Variants in CDK14 observed in about 807,000 individuals in gnomAD.
The protein encoded by CDK14 is cyclin dependent kinase 14.
In CDK14, 34 loss-of-function variants were observed where a neutral mutation model predicts 60.7. The ratio of observed to expected loss-of-function variants is 0.56; its 90% CI spans 0.43 to 0.75. The LOEUF (loss-of-function observed/expected upper bound fraction) is 0.75, where lower values mean the gene tolerates loss of function less well. Among genes scored for constraint, CDK14 ranks in the 30% least tolerant of loss-of-function variants. The probability of loss-of-function intolerance (pLI) is 0.00; values close to 1 mark genes in which losing one functional copy is unlikely to be tolerated. For synonymous variants in CDK14, 197 were observed against 203.7 expected, an observed-to-expected ratio of 0.97 and a Z score of 0.28; for missense variants, 482 against 564.1, an observed-to-expected ratio of 0.85 and a Z score of 1.47.
At chr7:90,598,993 C>T (rs1799258600) in intron 1 of CDK14, among the ~76,000 whole-genome samples, 1 of 152,128 alleles carries the variant, frequency 6.6e-6, no homozygotes, top group Non-Finnish European at 1.5e-5. Context: ...CGAGAGCCAC[C>T]GCGCCCGGCC....
intron 2 of CDK14, among the ~76,000 whole-genome samples, chr7:90,611,908 C>A (rs2116342784): frequency 6.7e-6 from 1 of 150,154 alleles, no homozygotes; most frequent in Middle Eastern, 3.4e-3. Context: ...TCTCGGCTCA[C>A]TGCAACCTCC....
In CDK14 at chr7:91,005,143, C is replaced by T. The variant is rs10254319; in HGVS notation, c.1041+20902C>T. 1.1e-3 allele frequency among the ~76,000 whole-genome samples: 164 copies of T among 152,368 alleles called. 2 individuals are homozygous for T. The highest frequency in any genetic ancestry group is 3.6e-3 in the African/African-American group (150 of 41,590). ...GCATTAGCTCACTGGTGGCTTCCCT[C>T]TGGGTGCCAGTGGGCCCAGGTTGGT... On this transcript the variant is annotated intron_variant, in intron 10 of 14. Coordinates refer to ENST00000380050, the MANE Select transcript of CDK14 (RefSeq NM_001287135.2).
rs952331515 is a variant in CDK14, at chr7:90,661,422, C to T, written c.123+57173C>T. 3.9e-5 allele frequency among the ~76,000 whole-genome samples: 6 copies of T among 152,146 alleles called. No homozygotes were observed. The East Asian group carries it at 5.8e-4, about 15-fold the overall frequency. On this transcript the variant is annotated intron_variant, in intron 2 of 14. Transcript: ENST00000380050. ...TAGCCACACATGGAGGTCCTTGTGC[C>T]GAATTGTTTGTTAGTTATGTTCATA... is the stretch of plus-strand genomic sequence containing the variant.
intron 4 of CDK14, among the ~76,000 whole-genome samples, chr7:90,781,362 G>A (rs1410023084): frequency 2.6e-5 from 4 of 151,928 alleles, no homozygotes; most frequent in African/African-American, 7.3e-5. Flanking sequence ...CCCATTTTAT[G>A]GGTTGCCTGT....
chr7:90,618,560 G>C (rs1167903862), intron 2 of CDK14, among the ~76,000 whole-genome samples: 1 of 152,040 alleles, frequency 6.6e-6, no homozygotes, highest in Admixed American at 6.6e-5. Context: ...TGCCATCTTT[G>C]TACCAGACAT....
intron 8 of CDK14, among the ~76,000 whole-genome samples, chr7:90,936,917 AT>A (rs371837440): frequency 0.023 from 3,483 of 150,398 alleles, 116 homozygotes; most frequent in African/African-American, 0.077. Flanking sequence ...TATCTCTACA[AT>A]TTTTTTTTTA....
chr7:90,957,837 A>C (rs962552748), intron 9 of CDK14, among the ~76,000 whole-genome samples: 3 of 152,014 alleles, frequency 2.0e-5, no homozygotes, highest in Admixed American at 2.0e-4. Context: ...TTCTTCACAG[A>C]ATTGGAAAAA....
At chr7:90,848,187 T>G (rs1260903068) in intron 5 of CDK14, among the ~76,000 whole-genome samples, 1 of 152,146 alleles carries the variant, frequency 6.6e-6, no homozygotes, top group Non-Finnish European at 1.5e-5. Context: ...CTGCAACCTC[T>G]GCCTCCTGGG....
chr7:90,808,623 C>A (rs933914425), intron 5 of CDK14, among the ~76,000 whole-genome samples: 2 of 152,106 alleles, frequency 1.3e-5, no homozygotes, highest in Non-Finnish European at 2.9e-5. Flanking sequence ...AAGATATTAA[C>A]CTTAAATGTA....
At chr7:90,968,069 G>A (rs1665986310) in intron 9 of CDK14, among the ~76,000 whole-genome samples, 1 of 152,134 alleles carries the variant, frequency 6.6e-6, no homozygotes, top group South Asian at 2.1e-4. Flanking sequence ...GCATTACCTG[G>A]AGGTTATTTT....
At chr7:91,091,856 C>T (rs1360836540) in intron 12 of CDK14, among the ~76,000 whole-genome samples, 1 of 151,754 alleles carries the variant, frequency 6.6e-6, no homozygotes, top group Admixed American at 6.6e-5. Flanking sequence ...ATATGATCTG[C>T]AAATGCCTGT....
chr7:90,752,623 A>C (rs552506258), intron 4 of CDK14, among the ~76,000 whole-genome samples: 3 of 152,214 alleles, frequency 2.0e-5, no homozygotes, highest in Admixed American at 6.5e-5. Flanking sequence ...GAACAACCTA[A>C]CCCCAAAGCC....
At chr7:90,717,390 A>G (rs1036593994) in intron 2 of CDK14, among the ~76,000 whole-genome samples, 12 of 152,120 alleles carry the variant, frequency 7.9e-5, no homozygotes, top group African/African-American at 2.7e-4. Context: ...AAGCCTATTG[A>G]TGGCAAGCAT....
At chr7:90,611,571 A>G (rs769648889) in intron 2 of CDK14, among the ~76,000 whole-genome samples, 6 of 152,056 alleles carry the variant, frequency 3.9e-5, no homozygotes, top group Admixed American at 6.6e-5. Context: ...TTGCTGTCAT[A>G]TCCATTCTCA....
chr7:90,958,252 A>G (rs1428585328), intron 9 of CDK14, among the ~76,000 whole-genome samples: 1 of 152,076 alleles, frequency 6.6e-6, no homozygotes, highest in Non-Finnish European at 1.5e-5. Context: ...CCTAAGAATG[A>G]GATTTAGGGA....
intron 9 of CDK14, among the ~76,000 whole-genome samples, chr7:90,959,468 A>G (rs1441657479): frequency 6.6e-6 from 1 of 152,192 alleles, no homozygotes. Context: ...TATTGAGAGA[A>G]CTAGAAATGG....
chr7:91,103,053 G>A (rs1016771616), intron 12 of CDK14, among the ~76,000 whole-genome samples: 20 of 152,082 alleles, frequency 1.3e-4, no homozygotes, highest in Non-Finnish European at 2.6e-4. Flanking sequence ...CAGGGTTCGA[G>A]ACCAGTCTGG....
chr7:91,150,475 G>A (rs938971956), intron 14 of CDK14, among the ~76,000 whole-genome samples: 9 of 151,962 alleles, frequency 5.9e-5, no homozygotes, highest in Non-Finnish European at 1.3e-4. Context: ...AAGCCCTAAG[G>A]TTTATGTTCT....
chr7:90,821,329 C>T (rs796761105), intron 5 of CDK14, among the ~76,000 whole-genome samples: 4 of 152,308 alleles, frequency 2.6e-5, no homozygotes, highest in African/African-American at 7.2e-5. Context: ...ACAGAGTGTT[C>T]CAAGCTGGGT....
Sources: allele counts gnomAD v4.1 joint callset (sites outside exome capture counted in the v4.1 genomes callset), GRCh38; gene constraint gnomAD v4.1.1; transcripts MANE v1.5; gene names NCBI Gene and HGNC (gene_info 2026-07-23, HGNC 2026-07-21).